The following HDC variants were observed in gnomAD, a reference collection of about 807,000 sequenced individuals.
HDC encodes the protein histidine decarboxylase.
HDC carries 27 observed loss-of-function variants against 64.4 expected under a neutral mutation model. The ratio of observed to expected loss-of-function variants is 0.42; its 90% confidence interval spans 0.31 to 0.58. HDC has a LOEUF of 0.58. HDC is among the 20% of genes least tolerant of loss of function. The probability of loss-of-function intolerance (pLI) is 0.16; values close to 1 mark genes in which losing one functional copy is unlikely to be tolerated. For missense variants in HDC, 711 were observed against 833.9 expected (o/e 0.85, Z 1.81); for synonymous variants, 305 against 314.2 (o/e 0.97, Z 0.31).
In HDC at chr15:50,242,163, T is replaced by C. The variant is rs1202605353; in HGVS notation, c.*97A>G. The C allele has an allele frequency of 9.9e-7, 1 of 1,013,856 alleles. No homozygotes were observed. The highest frequency in any genetic ancestry group is 1.6e-5 in the African/African-American group (1 of 62,634). The allele number at this position is 1,013,856 out of a possible 1,614,324, so 62.8% of individuals were successfully genotyped here. ...AATTATGAACTCGCCCCAAGAAAAATGCATGTACACATAAGCACACAAAGT... is the reference window on the plus strand; with the variant it reads ...AATTATGAACTCGCCCCAAGAAAAACGCATGTACACATAAGCACACAAAGT... On this transcript the variant is annotated 3_prime_UTR_variant, in exon 12 of 12. Coordinates refer to ENST00000267845, the MANE Select transcript of HDC (RefSeq NM_002112.4).
In HDC at chr15:50,242,297, A is replaced by G. The variant is rs1456117858; in HGVS notation, c.1952T>C (p.Leu651Pro). 1 of 1,614,186 alleles carries G rather than the reference A, an allele frequency of 6.2e-7. No individual in the cohort carries two copies. The highest frequency in any genetic ancestry group is 1.1e-5 in the South Asian group (1 of 91,086). The change falls in exon 12 of 12, where the codon CTC becomes CCC. Residue 651 changes from leucine (L) to proline (P), a missense_variant. Physicochemically the swap from Leu to Pro is moderately conservative, Grantham distance 98. This residue lies in a region of HDC where 483 missense variants were observed against 540.9 expected (regional missense o/e 0.89). Transcript: ENST00000267845. ...CTGCAGAGGGCAACAGGGCAGCTGG[A>G]GTCCACATTGAGAGCTGCATTCAGG... ...SFPECSSQCG[L>P]QLPCCPLQAM...
chr15:50,245,352 C>T (rs58421641), intron 10 of HDC, among the ~76,000 whole-genome samples: 9,969 of 152,108 alleles, frequency 0.066, 624 homozygotes, highest in African/African-American at 0.16. Context: ...TGGCTTTTTA[C>T]AGGAAATGTT....
chr15:50,254,226 C>T lies in HDC; in HGVS notation c.624G>A (p.Met208Ile). 6.2e-7 allele frequency: 1 copy of T among 1,614,210 alleles called. No individual in the cohort carries two copies. The highest frequency in any genetic ancestry group is 8.5e-7 in the Non-Finnish European group (1 of 1,180,030). Residue 208 changes from methionine to isoleucine, a missense_variant, in exon 6 of 12, where the codon ATG (methionine) becomes ATA (isoleucine). Met to Ile is a conservative substitution (Grantham distance 10, BLOSUM62 1). This residue lies in a region of HDC where 225 missense variants were observed against 276.2 expected (regional missense o/e 0.81). Coordinates refer to ENST00000267845, the MANE Select transcript of HDC (RefSeq NM_002112.4). ...EKAGLISLVK[M>I]KFLPVDDNFS... ...AGTTGTCATCCACAGGCAGAAATTT[C>T]ATCTTCACAAGGGAAATCAAACCAG...
At chr15:50,254,500 C>T (rs769235884) in intron 5 of HDC, 30 bp downstream of exon 5, 10 of 1,613,930 alleles carry the variant, frequency 6.2e-6, no homozygotes, top group South Asian at 1.1e-5. Flanking sequence ...AGCACCAACC[C>T]GAAGGGCTGT....
chr15:50,253,408 A>T (rs2045584136), intron 7 of HDC, 192 bp downstream of exon 7: 1 of 664,052 alleles, frequency 1.5e-6, no homozygotes, highest in South Asian at 1.7e-5. Flanking sequence ...AACTCTTGTC[A>T]CACCACTGGG....
Position 50,242,216 on chromosome 15 carries a change from A to G in HDC, c.*44T>C. 1 of 1,517,096 alleles carries G rather than the reference A, an allele frequency of 6.6e-7. No homozygotes were observed. The highest frequency in any genetic ancestry group is 9.2e-7 in the Non-Finnish European group (1 of 1,092,242). The allele number at this position is 1,517,096 out of a possible 1,614,324, so 94.0% of individuals were successfully genotyped here. ...GCATACAATTGTGAGGGGTTCACAG[A>G]GTCCCTGAAGTATATCCTCAGACTC... is the stretch of plus-strand genomic sequence containing the variant. On this transcript the variant is annotated 3_prime_UTR_variant, in exon 12 of 12. Transcript: ENST00000267845.
At chr15:50,243,064 A>T (rs2045424728) in intron 11 of HDC, 58 bp from the exon 12 acceptor site, 1 of 1,614,072 alleles carries the variant, frequency 6.2e-7, no homozygotes, top group Admixed American at 1.7e-5. Context: ...GCATCCCCAG[A>T]GCCCAGCATT....
chr15:50,250,784 G>T (rs1369369408), intron 9 of HDC, among the ~76,000 whole-genome samples: 2 of 152,070 alleles, frequency 1.3e-5, no homozygotes, highest in Admixed American at 6.5e-5. Context: ...AAAGAGCAGT[G>T]GAGATAAAGA....
chr15:50,250,061 C>T (rs1337788333), intron 9 of HDC, among the ~76,000 whole-genome samples: 1 of 152,226 alleles, frequency 6.6e-6, no homozygotes, highest in Non-Finnish European at 1.5e-5. Flanking sequence ...GTAACGCTCC[C>T]TCCACTGGTG....
At chr15:50,255,692 T>G (rs1216300851) in intron 4 of HDC, among the ~76,000 whole-genome samples, 3 of 151,690 alleles carry the variant, frequency 2.0e-5, no homozygotes, top group African/African-American at 4.8e-5. Flanking sequence ...CCCAGCTACG[T>G]GGGAGGCTGA....
Position 50,242,868 on chromosome 15 carries a change from G to A in HDC, c.1381C>T (p.Leu461=). 6.2e-7 allele frequency: 1 copy of A among 1,614,042 alleles called. No homozygotes were observed. Among genetic ancestry groups the A allele is most frequent in the Non-Finnish European group, 8.5e-7 (1 of 1,179,910 alleles). Residue 461 remains leucine, a synonymous_variant, in exon 12 of 12, where the codon CTG becomes TTG. Transcript: ENST00000267845. ...TCTCGAATGAGATTCCAGTCTCTCAGGATGTCATCCCTAGTGGTAAACTGG... is the reference window on the plus strand; with the variant it reads ...TCTCGAATGAGATTCCAGTCTCTCAAGATGTCATCCCTAGTGGTAAACTGG... ...TSQFTTRDDI[L]RDWNLIRDAA...
chr15:50,262,437 C>T lies in HDC; in HGVS notation c.204+798G>A, dbSNP rs563333837. Among the ~76,000 whole-genome samples the T allele has an allele frequency of 5.1e-4, 77 of 152,274 alleles. 1 individual carries two copies. Among genetic ancestry groups the T allele is most frequent in the Admixed American group, 1.3e-3 (20 of 15,290 alleles). On this transcript the variant is annotated intron_variant, in intron 2 of 11. Transcript: ENST00000267845. ...AGAGCTGGCACATGGCAGGGAGCCC[C>T]GCCACAGGAAGGGAGTCGATGCCAC...
In HDC at chr15:50,243,260, T is replaced by C. The variant is rs772794678; in HGVS notation, c.1141-16A>G. ...TTTCAGTACCCTGGAATTGCAAGTA[T>C]AAAGAGAACTGAGATTAATCATCAG... On this transcript the variant is annotated splice_polypyrimidine_tract_variant and intron_variant, in intron 10 of 11. Transcript: ENST00000267845. The C allele has an allele frequency of 2.7e-6, 4 of 1,459,276 alleles. No individual in the cohort carries two copies. The Admixed American group carries it at 6.7e-5, about 24-fold the overall frequency. The allele number at this position is 1,459,276 out of a possible 1,614,324, so 90.4% of individuals were successfully genotyped here.
Position 50,242,934 on chromosome 15 carries a change from T to C in HDC, c.1315A>G (p.Thr439Ala), listed in dbSNP as rs771965245. 138 of 1,614,022 alleles carry C rather than the reference T, an allele frequency of 8.6e-5. No individual in the cohort carries two copies. Among genetic ancestry groups the C allele is most frequent in the Non-Finnish European group, 1.1e-4 (127 of 1,180,028 alleles). ...KAGRLFLIPA[T>A]IQDKLIIRFT... ...CGGATGATTAACTTGTCCTGGATAG[T>C]GGCCGGGATGAGGAAGAGACGGCCA... is the stretch of plus-strand genomic sequence containing the variant. The change falls in exon 12 of 12, where the codon ACT becomes GCT. Residue 439 changes from threonine to alanine, a missense_variant. Around this residue, in one of 3 missense-constraint regions of HDC, gnomAD observed 483 missense variants for 540.9 expected, o/e 0.89. Transcript: ENST00000267845.
chr15:50,255,961 G>A (rs749685811), intron 4 of HDC, among the ~76,000 whole-genome samples: 37 of 152,202 alleles, frequency 2.4e-4, no homozygotes, highest in African/African-American at 8.9e-4. Flanking sequence ...GAGGTGATGG[G>A]ACTAACTCAA....
rs1364957746 is a variant in HDC at position 50,248,421 on chromosome 15, G to A, written c.1042-78C>T. On this transcript the variant is annotated intron_variant, in intron 9 of 11. Coordinates refer to ENST00000267845, the MANE Select transcript of HDC (RefSeq NM_002112.4). The surrounding 1 kb of genome is among the most constrained non-coding windows in gnomAD (Gnocchi z 4.3). Reference sequence around the variant, plus strand: ...CCTCGGGCATTTCTGGGCATTATCTGTTGCCTGCCCAGCCCTCCAGGGATG... The same window carrying A: ...CCTCGGGCATTTCTGGGCATTATCTATTGCCTGCCCAGCCCTCCAGGGATG... The A allele has an allele frequency of 1.0e-6, 1 of 979,932 alleles. No homozygotes were observed. Among genetic ancestry groups the A allele is most frequent in the Non-Finnish European group, 1.6e-6 (1 of 618,334 alleles). The allele number at this position is 979,932 out of a possible 1,614,324, so 60.7% of individuals were successfully genotyped here. A position where few individuals can be genotyped will look rare whatever the true frequency, so the allele number is the denominator to read the frequency against.
At chr15:50,253,430 C>T (rs1028018151) in intron 7 of HDC, 170 bp downstream of exon 7, 3 of 710,356 alleles carry the variant, frequency 4.2e-6, no homozygotes, top group Non-Finnish European at 7.6e-6. Context: ...AAGGCAATGT[C>T]CAGGGATCCC....
chr15:50,263,326 T>C lies in HDC; in HGVS notation c.113A>G (p.Tyr38Cys). 1 of 1,614,082 alleles carries C rather than the reference T, an allele frequency of 6.2e-7. No individual in the cohort carries two copies. Among genetic ancestry groups the C allele is most frequent in the Non-Finnish European group, 8.5e-7 (1 of 1,179,940 alleles). Residue 38 changes from tyrosine to cysteine, a missense_variant, in exon 2 of 12, where the codon TAC becomes TGC. By Grantham distance (194) the Tyr-to-Cys change is radical. This residue lies in a region of HDC where 225 missense variants were observed against 276.2 expected (regional missense o/e 0.81). Coordinates refer to ENST00000267845, the MANE Select transcript of HDC (RefSeq NM_002112.4). Reference protein sequence around the residue: ...RRVTPDVQPGYLRAQLPESAP... With the variant: ...RRVTPDVQPGCLRAQLPESAP... ...ACTCTCAGGCAGCTGGGCTCGCAGG[T>C]AGCCAGGCTGCACGTCTGGCGTCAC...
chr15:50,246,410 T>C (rs1209316070), intron 10 of HDC, among the ~76,000 whole-genome samples: 1 of 152,156 alleles, frequency 6.6e-6, no homozygotes, highest in African/African-American at 2.4e-5. Flanking sequence ...ACAGGAATGC[T>C]AATGAAGCAG....
Sources: gnomAD v4.1 joint callset for allele counts (sites outside exome capture counted in the v4.1 genomes callset) on GRCh38, gnomAD v4.1.1 for gene constraint, gnomAD v4.1.1 regional missense constraint, Gnocchi (gnomAD v3.1) non-coding constraint, MANE v1.5 for transcripts, NCBI Gene and HGNC (gene_info 2026-07-23, HGNC 2026-07-21) for gene names.